AGO3: variants seen among roughly 807,000 people sequenced by gnomAD.
The protein encoded by AGO3 is argonaute RISC catalytic component 3.
Under a neutral mutation model 105.5 loss-of-function variants are expected in AGO3, and 16 were observed. The ratio of observed to expected loss-of-function variants is 0.15; its 90% CI spans 0.10 to 0.23. The LOEUF (loss-of-function observed/expected upper bound fraction) is 0.23. Ranked by LOEUF, AGO3 falls within the 10% of genes least tolerant of loss-of-function variation. AGO3 has a pLI of 1.00. For synonymous variants in AGO3, 340 were observed against 367.3 expected (o/e 0.93, Z 0.85); for missense variants, 534 against 1,088.0 (o/e 0.49, Z 7.16).
intron 1 of AGO3, among the ~76,000 whole-genome samples, chr1:35,933,176 G>C (rs576178799): frequency 6.6e-6 from 1 of 152,180 alleles, no homozygotes; most frequent in South Asian, 2.1e-4. Context: ...GAAAAGTAAA[G>C]TTTTTTCTTC....
At chr1:35,958,209 C>T (rs547811382) in intron 2 of AGO3, among the ~76,000 whole-genome samples, 7 of 151,904 alleles carry the variant, frequency 4.6e-5, no homozygotes, top group African/African-American at 1.7e-4. Context: ...GGTGAAATCC[C>T]GTTTCTACTA....
chr1:36,057,891 T>C lies in AGO3; in HGVS notation c.*2146T>C, dbSNP rs1642974395. ...ACTCGGGAGGCTGAGGCAGGATTGC[T>C]TGAACCTAGGAGGCGGAAGTTACAG... On this transcript the variant is annotated 3_prime_UTR_variant, in exon 19 of 19. Coordinates refer to ENST00000373191, the MANE Select transcript of AGO3 (RefSeq NM_024852.4). 1 of 152,070 alleles carries C rather than the reference T, an allele frequency of 6.6e-6. No individual in the cohort carries two copies. The highest frequency in any genetic ancestry group is 1.5e-5 in the Non-Finnish European group (1 of 68,028). The allele number at this position is 152,070 out of a possible 1,614,324, so 9.4% of individuals were successfully genotyped here. A position where few individuals can be genotyped will look rare whatever the true frequency, so the allele number is the denominator to read the frequency against.
In AGO3 at chr1:36,072,466, A is replaced by G. The variant is rs1643178182; in HGVS notation, c.*16721A>G. Reference sequence around the variant, plus strand: ...TCAGTTTGAAGTATAACTTTCACTAATAACTGCAATAAAAAGAAAAGCTTT... The same window carrying G: ...TCAGTTTGAAGTATAACTTTCACTAGTAACTGCAATAAAAAGAAAAGCTTT... On this transcript the variant is annotated 3_prime_UTR_variant, in exon 19 of 19. Coordinates refer to ENST00000373191, the MANE Select transcript of AGO3 (RefSeq NM_024852.4). 6.6e-6 allele frequency: 1 copy of G among 152,224 alleles called. No homozygotes were observed. The highest frequency in any genetic ancestry group is 2.4e-5 in the African/African-American group (1 of 41,450). 9.4% of individuals were successfully genotyped at this position (152,224 alleles called of 1,614,324 possible).
intron 5 of AGO3, among the ~76,000 whole-genome samples, chr1:35,998,860 C>A (rs1016991723): frequency 2.0e-5 from 3 of 151,938 alleles, no homozygotes; most frequent in African/African-American, 7.3e-5. Context: ...TCTTCCTTAC[C>A]TTTAAGACCA....
chr1:36,020,306 A>T (rs145220530), intron 11 of AGO3, among the ~76,000 whole-genome samples: 516 of 152,354 alleles, frequency 3.4e-3, no homozygotes, highest in African/African-American at 0.012. Context: ...CATGGAGTTC[A>T]TTCAAATTAT....
intron 1 of AGO3, among the ~76,000 whole-genome samples, chr1:35,938,553 TATA>T (rs1331553739): frequency 3.3e-5 from 5 of 152,174 alleles, no homozygotes; most frequent in African/African-American, 9.7e-5. Context: ...TATATAATAG[TATA>T]ATAATTTATA....
chr1:36,023,343 C>T (rs1641335133), intron 11 of AGO3, among the ~76,000 whole-genome samples: 1 of 152,192 alleles, frequency 6.6e-6, no homozygotes, highest in Non-Finnish European at 1.5e-5. Flanking sequence ...AGAGGTTCTA[C>T]TTCGGATCCC....
At position 36,055,779 on chromosome 1, in the gene AGO3, G is replaced by A. The variant is rs759330566; in HGVS notation, c.*34G>A. ...AGTATATTCTCTGAGAGGAAGTACT[G>A]AAAGATGAATTGACATACAACGTAT... is the stretch of plus-strand genomic sequence containing the variant. On this transcript the variant is annotated 3_prime_UTR_variant, in exon 19 of 19. Coordinates refer to ENST00000373191, the MANE Select transcript of AGO3 (RefSeq NM_024852.4). The surrounding 1 kb of genome is among the most constrained non-coding windows in gnomAD (Gnocchi z 4.4). The A allele has an allele frequency of 6.2e-7, 1 of 1,600,048 alleles. No individual in the cohort carries two copies. The highest frequency in any genetic ancestry group is 2.2e-5 in the East Asian group (1 of 44,786).
chr1:36,005,713 T>C (rs1483945180), intron 6 of AGO3: 4 of 985,174 alleles, frequency 4.1e-6, no homozygotes, highest in Non-Finnish European at 4.8e-6. Flanking sequence ...CACCACTCTA[T>C]CACAGAAAAT....
In AGO3 at chr1:36,039,980, G is replaced by C; in HGVS notation, c.2033G>C (p.Arg678Thr). The C allele has an allele frequency of 1.2e-6, 2 of 1,610,850 alleles. No homozygotes were observed. Among genetic ancestry groups the C allele is most frequent in the Non-Finnish European group, 1.7e-6 (2 of 1,178,398 alleles). ...YRDGVSEGQFRQVLYYELLAI... is the reference protein window; with the variant it reads ...YRDGVSEGQFTQVLYYELLAI... Reference sequence around the variant, plus strand: ...GATGGTGTTTCAGAGGGGCAGTTTAGGCAGGTTGGTTACCTAGAATCTCAT... The same window carrying C: ...GATGGTGTTTCAGAGGGGCAGTTTACGCAGGTTGGTTACCTAGAATCTCAT... Residue 678 changes from arginine to threonine, a missense_variant, in exon 15 of 19, where the codon AGG becomes ACG. This residue lies in a region of AGO3 where 373 missense variants were observed against 854.0 expected (regional missense o/e 0.44). Coordinates refer to ENST00000373191, the MANE Select transcript of AGO3 (RefSeq NM_024852.4).
chr1:35,997,960 G>T lies in AGO3; in HGVS notation c.659-6381G>T, dbSNP rs113804511. Among the ~76,000 whole-genome samples the T allele has an allele frequency of 9.4e-3, 1,435 of 152,190 alleles. 23 individuals carry two copies. Among genetic ancestry groups the T allele is most frequent in the African/African-American group, 0.032 (1,343 of 41,528 alleles). ...GATCCACCCGCCTTGGCCTCCCAAA[G>T]TAAGAAACAGAAATTTGTTTGTCAA... On this transcript the variant is annotated intron_variant, in intron 5 of 18. Transcript: ENST00000373191.
chr1:36,004,220 G>A (rs890011377), intron 5 of AGO3, 121 bp from the exon 6 acceptor site: 2 of 1,060,156 alleles, frequency 1.9e-6, no homozygotes, highest in Non-Finnish European at 1.3e-6. Context: ...AAATTTGTAT[G>A]TACATAAATG....
At chr1:36,052,876 G>A (rs1179459946) in intron 17 of AGO3, among the ~76,000 whole-genome samples, 1 of 152,110 alleles carries the variant, frequency 6.6e-6, no homozygotes, top group Non-Finnish European at 1.5e-5. Context: ...GCTGGGTGTG[G>A]TGGTAGGTGC....
chr1:36,036,554 AGTTT>A (rs149046070), intron 14 of AGO3, among the ~76,000 whole-genome samples: 3,388 of 152,250 alleles, frequency 0.022, 41 homozygotes, highest in Non-Finnish European at 0.035. Context: ...TGTTTTGAAT[AGTTT>A]GTTTGTATAT....
chr1:35,941,075 A>G (rs986850488), intron 1 of AGO3, among the ~76,000 whole-genome samples: 3 of 152,154 alleles, frequency 2.0e-5, no homozygotes, highest in African/African-American at 7.2e-5. Context: ...CAAATTTAGC[A>G]TATCCTTAAA....
At position 35,973,379 on chromosome 1, in the gene AGO3, A is replaced by T; in HGVS notation, c.526A>T (p.Thr176Ser). 6.6e-7 allele frequency: 1 copy of T among 1,518,104 alleles called. No homozygotes were observed. The highest frequency in any genetic ancestry group is 8.9e-7 in the Non-Finnish European group (1 of 1,125,384). 94.0% of individuals were successfully genotyped at this position (1,518,104 alleles called of 1,614,324 possible). ...VLRHLPSMKY[T>S]PVGRSFFSAP... ...ATGCCATTTTAATTTTTGTAGATACACACCTGTGGGGCGTTCATTTTTCTC... is the reference window on the plus strand; with the variant it reads ...ATGCCATTTTAATTTTTGTAGATACTCACCTGTGGGGCGTTCATTTTTCTC... The change falls in exon 5 of 19, where the codon ACA becomes TCA. Residue 176 changes from threonine (T) to serine (S), a missense_variant. By Grantham distance (58) the Thr-to-Ser change is moderately conservative. Around this residue, in one of 2 missense-constraint regions of AGO3, gnomAD observed 161 missense variants for 234.0 expected, o/e 0.69. Transcript: ENST00000373191.
chr1:35,966,827 A>G, intron 2 of AGO3, 128 bp from the exon 3 acceptor site: 1 of 1,133,620 alleles, frequency 8.8e-7, no homozygotes, highest in Non-Finnish European at 1.2e-6. Context: ...TAAAAGCAAA[A>G]TCTTTATCAT....
At chr1:36,053,745 ATTTTTTT>A (rs71034711) in intron 17 of AGO3, among the ~76,000 whole-genome samples, 1 of 81,286 alleles carries the variant, frequency 1.2e-5, no homozygotes, top group Admixed American at 1.6e-4. Context: ...CACCTGGCTA[ATTTTTTT>A]TTTTTTTTTT....
chr1:35,945,137 C>G (rs1646337677), intron 1 of AGO3, among the ~76,000 whole-genome samples: 1 of 152,078 alleles, frequency 6.6e-6, no homozygotes, highest in Non-Finnish European at 1.5e-5. Flanking sequence ...GTCAAATAAT[C>G]AAATAATTGA....
Sources: gnomAD v4.1 joint callset for allele counts (sites outside exome capture counted in the v4.1 genomes callset) on GRCh38, gnomAD v4.1.1 for gene constraint, gnomAD v4.1.1 regional missense constraint, Gnocchi (gnomAD v3.1) non-coding constraint, MANE v1.5 for transcripts, NCBI Gene and HGNC (gene_info 2026-07-23, HGNC 2026-07-21) for gene names.